The following MYLK variants were observed in gnomAD, a reference collection of about 807,000 sequenced individuals.
The protein encoded by MYLK is myosin light chain kinase, smooth muscle.
Under a neutral mutation model 203.4 loss-of-function variants are expected in MYLK, and 106 were observed. That is an observed-to-expected ratio of 0.52 (90% CI 0.45 to 0.61). The LOEUF is 0.61. Among genes scored for constraint, MYLK ranks in the 20% least tolerant of loss-of-function variants. The pLI is 0.00. For synonymous variants in MYLK, 867 were observed against 959.5 expected (o/e 0.90, Z 1.78); for missense variants, 2,072 against 2,442.3 (o/e 0.85, Z 3.20).
chr3:123,745,287 T>A (rs77678196), intron 5 of MYLK, among the ~76,000 whole-genome samples: 1 of 152,062 alleles, frequency 6.6e-6, no homozygotes, highest in Non-Finnish European at 1.5e-5. Context: ...TCCCAATCAC[T>A]GGGAAACCAA....
In MYLK at chr3:123,872,065, G is replaced by A. The variant is rs2032826245; in HGVS notation, c.-127+4494C>T. Among the ~76,000 whole-genome samples the A allele has an allele frequency of 2.0e-5, 3 of 151,942 alleles. No individual in the cohort carries two copies. The South Asian group carries it at 6.2e-4, about 31-fold the overall frequency. ...ACTATGACTGGGAAAACTATGACCA[G>A]CAGGCCAAATCCAACCTGCAGCCTG... On this transcript the variant is annotated intron_variant, in intron 2 of 33. Coordinates refer to ENST00000360304, the MANE Select transcript of MYLK (RefSeq NM_053025.4).
intron 4 of MYLK, among the ~76,000 whole-genome samples, chr3:123,762,381 C>T (rs1275922087): frequency 3.9e-5 from 6 of 151,982 alleles, no homozygotes; most frequent in African/African-American, 1.4e-4. Flanking sequence ...AGGCACATGC[C>T]ACCATGCCTG....
In MYLK at chr3:123,618,729, T is replaced by C. The variant is rs2057663252; in HGVS notation, c.5410A>G (p.Lys1804Glu). The C allele has an allele frequency of 6.2e-7, 1 of 1,614,016 alleles. No homozygotes were observed. Among genetic ancestry groups the C allele is most frequent in the Non-Finnish European group, 8.5e-7 (1 of 1,179,996 alleles). Reference protein sequence around the residue: ...QAFLEAVAEEKPHVKPYFSKT... With the variant: ...QAFLEAVAEEEPHVKPYFSKT... ...GAGAAATAGGGTTTTACATGAGGCT[T>C]TTCCTCAGCAACAGCCTCAAGGAAA... The change falls in exon 33 of 34, where the codon AAG becomes GAG. Residue 1804 changes from lysine (K) to glutamate (E), a missense_variant. This residue lies in a region of MYLK where 524 missense variants were observed against 782.4 expected (regional missense o/e 0.67). Transcript: ENST00000360304.
chr3:123,626,001 T>C (rs1252230081), intron 31 of MYLK, among the ~76,000 whole-genome samples: 2 of 152,202 alleles, frequency 1.3e-5, no homozygotes, highest in Non-Finnish European at 2.9e-5. Flanking sequence ...TCCTGACCCT[T>C]CTGCTTATTA....
chr3:123,863,168 G>C (rs1423760140), intron 2 of MYLK, among the ~76,000 whole-genome samples: 5 of 152,036 alleles, frequency 3.3e-5, no homozygotes, highest in African/African-American at 1.2e-4. Flanking sequence ...AATGGGGCTA[G>C]AACAACGGAT....
chr3:123,667,277 GCCC>G, intron 20 of MYLK, 90 bp from the exon 21 acceptor site: 1 of 1,254,082 alleles, frequency 8.0e-7, no homozygotes, highest in Non-Finnish European at 1.2e-6. Flanking sequence ...TTGTCCACTG[GCCC>G]CTCATCCAGG....
chr3:123,796,768 A>T (rs1438649916), intron 3 of MYLK, among the ~76,000 whole-genome samples: 1 of 152,236 alleles, frequency 6.6e-6, no homozygotes, highest in East Asian at 1.9e-4. Context: ...AACATAACAT[A>T]TACTGCTGGT....
rs756054110 is a variant in MYLK, at chr3:123,700,485, T to C, written c.2983A>G (p.Asn995Asp). Reference sequence around the variant, plus strand: ...AGGGTCTCGGCACTGCTGCTGCCATTCTCTGCTGGTAATTTCTTCTTGCCA... The same window carrying C: ...AGGGTCTCGGCACTGCTGCTGCCATCCTCTGCTGGTAATTTCTTCTTGCCA... The part of the protein sequence containing the change: ...LGGKKKLPAE[N>D]GSSSAETLNA... The change falls in exon 18 of 34, where the codon AAT becomes GAT. Residue 995 changes from asparagine to aspartate, a missense_variant. Physicochemically the swap from Asn to Asp is conservative, Grantham distance 23. This residue lies in a region of MYLK where 865 missense variants were observed against 1,016.0 expected (regional missense o/e 0.85). Coordinates refer to ENST00000360304, the MANE Select transcript of MYLK (RefSeq NM_053025.4). The C allele has an allele frequency of 2.5e-6, 4 of 1,607,686 alleles. No individual in the cohort carries two copies. The highest frequency in any genetic ancestry group is 3.4e-6 in the Non-Finnish European group (4 of 1,175,674).
Position 123,657,164 on chromosome 3 carries a change from T to C in MYLK, c.4250A>G (p.Gln1417Arg), listed in dbSNP as rs752540573. The C allele has an allele frequency of 6.2e-7, 1 of 1,614,226 alleles. No individual in the cohort carries two copies. The highest frequency in any genetic ancestry group is 8.5e-7 in the Non-Finnish European group (1 of 1,180,038). The change falls in exon 24 of 34, where the codon CAG becomes CGG. Residue 1417 changes from glutamine to arginine, a missense_variant. Physicochemically the swap from Gln to Arg is conservative, Grantham distance 43. Transcript: ENST00000360304. The part of the protein sequence containing the change: ...INVYGTSEPS[Q>R]ESELTTVGEK... ...TCCTACCGTTGTGAGTTCAGACTCC[T>C]GGCTTGGCTCACTGGTTCCATACAC...
chr3:123,761,139 C>T (rs759850929), intron 4 of MYLK, among the ~76,000 whole-genome samples: 3 of 152,202 alleles, frequency 2.0e-5, no homozygotes, highest in Non-Finnish European at 4.4e-5. Flanking sequence ...GGCTGCTCCC[C>T]AAACAACACA....
At chr3:123,833,918 G>C (rs1253645570) in intron 2 of MYLK, among the ~76,000 whole-genome samples, 3 of 152,088 alleles carry the variant, frequency 2.0e-5, no homozygotes, top group Non-Finnish European at 4.4e-5. Flanking sequence ...TCTCCAAAAG[G>C]TCTCTCTCCA....
chr3:123,860,302 C>G (rs1413882825), intron 2 of MYLK, among the ~76,000 whole-genome samples: 1 of 152,124 alleles, frequency 6.6e-6, no homozygotes, highest in African/African-American at 2.4e-5. Flanking sequence ...TTCCCTACAC[C>G]CTGTGTACAA....
chr3:123,882,458 A>G (rs2033602668), intron 1 of MYLK, among the ~76,000 whole-genome samples: 1 of 152,194 alleles, frequency 6.6e-6, no homozygotes, highest in Non-Finnish European at 1.5e-5. Flanking sequence ...AACATCTACA[A>G]TGCTGCAGCT....
chr3:123,617,038 A>G (rs2057538095), intron 33 of MYLK: 2 of 152,214 alleles, frequency 1.3e-5, no homozygotes, highest in Admixed American at 1.3e-4. Flanking sequence ...CGAAGTAATT[A>G]GGAACACCCA....
intron 4 of MYLK, among the ~76,000 whole-genome samples, chr3:123,766,553 G>A (rs1289099243): frequency 1.3e-5 from 2 of 152,248 alleles, no homozygotes; most frequent in South Asian, 2.1e-4. Context: ...TGGGGCTGGC[G>A]CCCAAGGGTT....
intron 16 of MYLK, among the ~76,000 whole-genome samples, chr3:123,706,548 T>G (rs1318359050): frequency 6.6e-6 from 1 of 152,160 alleles, no homozygotes; most frequent in African/African-American, 2.4e-5. Context: ...AATGCTCTTC[T>G]TCGATGCTTA....
At chr3:123,723,769 C>T (rs972509150) in intron 12 of MYLK, among the ~76,000 whole-genome samples, 1 of 152,202 alleles carries the variant, frequency 6.6e-6, no homozygotes, top group Non-Finnish European at 1.5e-5. Flanking sequence ...GGTGTGGAAA[C>T]GCTAAGAGTC....
chr3:123,814,168 T>C (rs945268241), intron 3 of MYLK: 4 of 347,022 alleles, frequency 1.2e-5, no homozygotes, highest in South Asian at 2.7e-5. Context: ...GCCCTGTTCC[T>C]GTGTCTCGGG....
intron 12 of MYLK, among the ~76,000 whole-genome samples, chr3:123,724,250 G>A (rs2062200150): frequency 6.6e-6 from 1 of 151,226 alleles, no homozygotes; most frequent in Admixed American, 6.6e-5. Context: ...CCAGAGTGCT[G>A]GGATTACAGG....
Sources: allele counts gnomAD v4.1 joint callset (sites outside exome capture counted in the v4.1 genomes callset), GRCh38; gene constraint gnomAD v4.1.1; regional missense constraint gnomAD v4.1.1; transcripts MANE v1.5; gene names NCBI Gene and HGNC (gene_info 2026-07-23, HGNC 2026-07-21).